NOP14: variants seen among roughly 807,000 people sequenced by gnomAD.
NOP14 encodes the protein nucleolar protein 14.
Under a neutral mutation model 101.6 loss-of-function variants are expected in NOP14, and 57 were observed. That is an observed-to-expected ratio of 0.56 (90% confidence interval 0.45 to 0.70). The LOEUF is 0.70. Among genes scored for constraint, NOP14 ranks in the 30% least tolerant of loss-of-function variants. The pLI is 0.00. For synonymous variants in NOP14, 428 were observed against 424.0 expected (o/e 1.01, Z -0.12); for missense variants, 1,134 against 1,075.5 (o/e 1.05, Z -0.76).
At position 2,948,286 on chromosome 4, in the gene NOP14, T is replaced by C. The variant is rs1434948699; in HGVS notation, c.1405A>G (p.Lys469Glu). Residue 469 changes from lysine (K) to glutamate (E), a missense_variant, in exon 9 of 18, where the codon AAA (lysine) becomes GAA (glutamate). Transcript: ENST00000416614. Reference sequence around the variant, plus strand: ...ACACTCAATCCACGTACTTCTAATTTTGCTTTGTTTCCTTCTGCGAGACTC... The same window carrying C: ...ACACTCAATCCACGTACTTCTAATTCTGCTTTGTTTCCTTCTGCGAGACTC... ...HPSLAEGNKAKLEKLFGFLLE... is the reference protein window; with the variant it reads ...HPSLAEGNKAELEKLFGFLLE... 3.1e-6 allele frequency: 5 copies of C among 1,601,034 alleles called. No homozygotes were observed. Among genetic ancestry groups the C allele is most frequent in the South Asian group, 1.1e-5 (1 of 89,214 alleles).
At position 2,948,394 on chromosome 4, in the gene NOP14, CAT is replaced by C; in HGVS notation, c.1295_1296del (p.Tyr432Ter). 6.2e-7 allele frequency: 1 copy of C among 1,612,020 alleles called. No homozygotes were observed. Among genetic ancestry groups the C allele is most frequent in the Non-Finnish European group, 8.5e-7 (1 of 1,179,366 alleles). On this transcript the variant is annotated frameshift_variant, in exon 9 of 18. Transcript: ENST00000416614. LOFTEE classifies it high-confidence loss of function. Reference sequence around the variant, plus strand: ...CCTAACAACAGAGATCTCAGTTCCTCATAGGATTCAGGGGCTATCAAAAACAC... The same window carrying C: ...CCTAACAACAGAGATCTCAGTTCCTCAGGATTCAGGGGCTATCAAAAACAC... ...LPYTFAAPES[Y>X]EELRSLLLGR... is the part of the protein sequence containing the mutation.
intron 7 of NOP14, 84 bp downstream of exon 7, chr4:2,951,030 A>G (rs962830917): frequency 1.4e-5 from 18 of 1,279,592 alleles, no homozygotes; most frequent in Middle Eastern, 2.1e-4. Context: ...TCCCAACTGT[A>G]ATAAATCCCT....
chr4:2,959,408 T>G (rs143152587), intron 1 of NOP14, among the ~76,000 whole-genome samples: 5 of 151,942 alleles, frequency 3.3e-5, no homozygotes, highest in Non-Finnish European at 1.5e-5. Flanking sequence ...CTGGGTAACA[T>G]GGTGAAACCC....
In NOP14 at chr4:2,957,582, C is replaced by T. The variant is rs753484524; in HGVS notation, c.330+24G>A. 2.5e-6 allele frequency: 4 copies of T among 1,612,818 alleles called. No homozygotes were observed. The East Asian group carries it at 8.9e-5, about 36-fold the overall frequency. On this transcript the variant is annotated intron_variant, in intron 2 of 17. Transcript: ENST00000416614. ...TTCCCTGTGAAATGTACAGCAAAAA[C>T]CCTCCTCCAGTTTCTTTCCATACCT...
intron 2 of NOP14, 90 bp downstream of exon 2, chr4:2,957,516 C>A: frequency 6.7e-7 from 1 of 1,495,668 alleles, no homozygotes; most frequent in South Asian, 1.2e-5. Flanking sequence ...TGCCCAGGAA[C>A]ATGCAAAACA....
intron 2 of NOP14, among the ~76,000 whole-genome samples, 184 bp from the exon 3 acceptor site, chr4:2,956,995 T>C (rs1245350494): frequency 2.0e-5 from 3 of 152,292 alleles, no homozygotes; most frequent in South Asian, 2.1e-4. Context: ...ATGAAACTCA[T>C]GGAGGGTAAT....
intron 1 of NOP14, among the ~76,000 whole-genome samples, chr4:2,960,705 TA>T (rs1715690558): frequency 1.7e-5 from 2 of 120,922 alleles, no homozygotes; most frequent in African/African-American, 3.1e-5. Flanking sequence ...ACATTAATAT[TA>T]ATATATTAAT....
At position 2,946,603 on chromosome 4, in the gene NOP14, A is replaced by C; in HGVS notation, c.1500-56T>G. On this transcript the variant is annotated intron_variant, in intron 10 of 17. Transcript: ENST00000416614. ...AATGACTTTAGATAAGAAACACAGA[A>C]AAGCCCTGCAAGCCACTTTCCTATG... The C allele has an allele frequency of 4.5e-6, 7 of 1,567,354 alleles. No homozygotes were observed. In the South Asian group the frequency reaches 7.8e-5, roughly 18 times the overall value.
At position 2,941,615 on chromosome 4, in the gene NOP14, G is replaced by C. The variant is rs1481939442; in HGVS notation, c.2166C>G (p.His722Gln). The C allele has an allele frequency of 6.2e-7, 1 of 1,613,186 alleles. No individual in the cohort carries two copies. Among genetic ancestry groups the C allele is most frequent in the Admixed American group, 1.7e-5 (1 of 59,978 alleles). ...CCTGCGGGTGGCTGCAGTCCGCCAGGTGATCCGTGAGGAGGGCTTGGAGAG... is the reference window on the plus strand; with the variant it reads ...CCTGCGGGTGGCTGCAGTCCGCCAGCTGATCCGTGAGGAGGGCTTGGAGAG... ...MGPLQALLTD[H>Q]LADCSHPQEL... Residue 722 changes from histidine (H) to glutamine (Q), a missense_variant, in exon 15 of 18, where the codon CAC becomes CAG. Physicochemically the swap from His to Gln is conservative, Grantham distance 24 (BLOSUM62 0). Transcript: ENST00000416614.
Position 2,939,557 on chromosome 4 carries a change from A to G in NOP14, c.2288T>C (p.Leu763Pro), listed in dbSNP as rs750494897. ...GACCAGCCGGGGTGTGAAAAGCTTC[A>G]GTGGGACAGGCTTGCTCTTCTCACA... is the stretch of plus-strand genomic sequence containing the variant. Reference protein sequence around the residue: ...LTCEKSKPVPLKLFTPRLVKV... With the variant: ...LTCEKSKPVPPKLFTPRLVKV... Residue 763 changes from leucine to proline, a missense_variant, in exon 16 of 18, where the codon CTG (leucine) becomes CCG (proline). By Grantham distance (98) the Leu-to-Pro change is moderately conservative (BLOSUM62 -3). Coordinates refer to ENST00000416614, the MANE Select transcript of NOP14 (RefSeq NM_001291978.2). 9.9e-6 allele frequency: 16 copies of G among 1,613,972 alleles called. No individual in the cohort carries two copies. The South Asian group carries it at 1.4e-4, about 14-fold the overall frequency.
chr4:2,951,181 A>G lies in NOP14; in HGVS notation c.935T>C (p.Met312Thr), dbSNP rs201222999. 83 of 1,613,862 alleles carry G rather than the reference A, an allele frequency of 5.1e-5. 1 individual carries two copies. The East Asian group carries it at 8.0e-4, about 16-fold the overall frequency. ...GCCATCATTCAGATCATCTGCTGAC[A>G]TATGTTTTGGTTTCTTAACATTTTC... The part of the protein sequence containing the change: ...EDENVKKPKH[M>T]SADDLNDGFV... Residue 312 changes from methionine to threonine, a missense_variant, in exon 7 of 18, where the codon ATG becomes ACG. Coordinates refer to ENST00000416614, the MANE Select transcript of NOP14 (RefSeq NM_001291978.2).
chr4:2,946,214 C>T (rs1340047802), intron 11 of NOP14, among the ~76,000 whole-genome samples, 198 bp downstream of exon 11: 1 of 147,534 alleles, frequency 6.8e-6, no homozygotes, highest in Non-Finnish European at 1.5e-5. Flanking sequence ...ATCACCCTCA[C>T]TGCCGTGCAC....
In NOP14 at chr4:2,960,060, G is replaced by C. The variant is rs570599873; in HGVS notation, c.196-2320C>G. Among the ~76,000 whole-genome samples, 65 of 151,758 alleles carry C rather than the reference G, an allele frequency of 4.3e-4. 1 individual carries two copies. The highest frequency in any genetic ancestry group is 1.3e-3 in the African/African-American group (55 of 41,356). On this transcript the variant is annotated intron_variant, in intron 1 of 17. Coordinates refer to ENST00000416614, the MANE Select transcript of NOP14 (RefSeq NM_001291978.2). ...TCTCAGCTCACTACAACCTCCACCT[G>C]CCGGGTTCAAGCAATTCTCCTGCCT...
At chr4:2,960,590 T>A (rs942685085) in intron 1 of NOP14, among the ~76,000 whole-genome samples, 3 of 150,406 alleles carry the variant, frequency 2.0e-5, no homozygotes, top group Non-Finnish European at 4.4e-5. Context: ...GGATTAAATG[T>A]AAACCGTGTG....
chr4:2,945,306 A>C (rs1051497460), intron 11 of NOP14, 77 bp from the exon 12 acceptor site: 2 of 1,063,724 alleles, frequency 1.9e-6, no homozygotes, highest in Admixed American at 2.0e-5. Context: ...AACACTCCGG[A>C]GCCAAGAACA....
chr4:2,939,674 G>C (rs200208760), intron 15 of NOP14, 29 bp from the exon 16 acceptor site: 1 of 1,539,172 alleles, frequency 6.5e-7, no homozygotes, highest in African/African-American at 1.4e-5. Context: ...CCGACTCTGC[G>C]ATGACTCACC....
chr4:2,947,695 C>T, intron 9 of NOP14, 84 bp from the exon 10 acceptor site: 1 of 1,140,536 alleles, frequency 8.8e-7, no homozygotes, highest in Non-Finnish European at 1.3e-6. Context: ...GGATCACGTA[C>T]ATTCTGGTGA....
chr4:2,962,335 A>G (rs1050922699), intron 1 of NOP14, among the ~76,000 whole-genome samples: 1 of 152,214 alleles, frequency 6.6e-6, no homozygotes, highest in East Asian at 1.9e-4. Flanking sequence ...CTGTAAGTCT[A>G]TCTTGCCTAT....
intron 14 of NOP14, 134 bp from the exon 15 acceptor site, chr4:2,941,863 G>A (rs1346607282): frequency 4.6e-6 from 5 of 1,092,126 alleles, no homozygotes; most frequent in Non-Finnish European, 6.5e-6. Flanking sequence ...GCCGGCCAGG[G>A]TTGGGCCCAT....
Sources: allele counts gnomAD v4.1 joint callset (sites outside exome capture counted in the v4.1 genomes callset), GRCh38; gene constraint gnomAD v4.1.1; transcripts MANE v1.5; gene names NCBI Gene and HGNC (gene_info 2026-07-23, HGNC 2026-07-21).